The following PUS7 variants were observed in gnomAD, a reference collection of about 807,000 sequenced individuals.
PUS7 encodes the protein pseudouridylate synthase 7 homolog.
A neutral mutation model predicts 79.8 loss-of-function variants in PUS7; 48 were observed. The observed-to-expected ratio is 0.60, with a 90% CI of 0.48 to 0.76. The LOEUF (loss-of-function observed/expected upper bound fraction) is 0.76. Ranked by LOEUF, PUS7 falls within the 30% of genes least tolerant of loss-of-function variation. The probability of loss-of-function intolerance (pLI) is 0.00; values close to 1 mark genes in which losing one functional copy is unlikely to be tolerated. For missense variants in PUS7, 729 were observed against 797.6 expected (o/e 0.91, Z 1.04); for synonymous variants, 286 against 272.2 (o/e 1.05, Z -0.50).
chr7:105,509,902 T>C (rs1051820763), intron 1 of PUS7, among the ~76,000 whole-genome samples: 8 of 152,128 alleles, frequency 5.3e-5, no homozygotes, highest in Middle Eastern at 3.2e-3. Flanking sequence ...GGTCTAGAAG[T>C]GGTGGCTGGG....
In PUS7 at chr7:105,515,857, T is replaced by A. The variant is rs1283588284; in HGVS notation, c.-33+6195A>T. ...CAGAGTCTCACTCTGTTGCCCAGGC[T>A]GGAGTGCAGTGGCATGTTCTTGGCT... On this transcript the variant is annotated intron_variant, in intron 1 of 15. Transcript: ENST00000469408. Among the ~76,000 whole-genome samples the A allele has an allele frequency of 2.0e-5, 3 of 150,488 alleles. No individual in the cohort carries two copies. In the East Asian group the frequency reaches 5.8e-4, roughly 29 times the overall value.
intron 1 of PUS7, among the ~76,000 whole-genome samples, chr7:105,518,304 C>G (rs1238645857): frequency 6.6e-6 from 1 of 151,584 alleles, no homozygotes; most frequent in East Asian, 1.9e-4. Flanking sequence ...CAGAAAGACC[C>G]TGTCTCAAAA....
At position 105,459,219 on chromosome 7, in the gene PUS7, T is replaced by G; in HGVS notation, c.1798A>C (p.Asn600His). Residue 600 changes from asparagine to histidine, a missense_variant, in exon 15 of 16, where the codon AAC becomes CAC. Physicochemically the swap from Asn to His is moderately conservative, Grantham distance 68. Transcript: ENST00000469408. ...AYDDPKIPLF[N>H]TDVDNLEGKT... The stretch of plus-strand genomic sequence containing the variant: ...CCTTCTAGGTTGTCCACATCTGTGT[T>G]GAAAAGTGGAATTTTGGGATCATCA... The G allele has an allele frequency of 6.2e-7, 1 of 1,611,874 alleles. No homozygotes were observed. Among genetic ancestry groups the G allele is most frequent in the Non-Finnish European group, 8.5e-7 (1 of 1,178,718 alleles).
At position 105,508,274 on chromosome 7, in the gene PUS7, T is replaced by C. The variant is rs1825551949; in HGVS notation, c.239A>G (p.Asp80Gly). ...TCCATCTTCCTCCTCTTCTTCCTCA[T>C]CTTCCAACTGAGCCTCAGAATTCTT... is the stretch of plus-strand genomic sequence containing the variant. ...GGKNSEAQLE[D>G]EEEEEEDGLS... The change falls in exon 2 of 16, where the codon GAT (aspartate) becomes GGT (glycine). Residue 80 changes from aspartate (D) to glycine (G), a missense_variant. Transcript: ENST00000469408. 1.2e-6 allele frequency: 2 copies of C among 1,614,048 alleles called. No individual in the cohort carries two copies. Among genetic ancestry groups the C allele is most frequent in the Admixed American group, 1.7e-5 (1 of 59,990 alleles).
intron 15 of PUS7, among the ~76,000 whole-genome samples, chr7:105,458,808 G>A (rs1229161383): frequency 3.3e-5 from 5 of 151,908 alleles, no homozygotes; most frequent in South Asian, 2.1e-4. Flanking sequence ...TGATCCGCCC[G>A]CCTCGGCCTC....
chr7:105,508,474 A>C lies in PUS7; in HGVS notation c.39T>G (p.Arg13=). The change falls in exon 2 of 16, where the codon CGT becomes CGG. Residue 13 remains arginine (R), a synonymous_variant. Transcript: ENST00000469408. ...CATTATCTTCGACAACCAGTGCCCC[A>C]CGTTTCAGCGACACACCAGTCATTT... ...MTEMTGVSLK[R]GALVVEDNDS... is the part of the protein sequence containing the mutation. 1.9e-6 allele frequency: 3 copies of C among 1,613,994 alleles called. No individual in the cohort carries two copies. The highest frequency in any genetic ancestry group is 2.5e-6 in the Non-Finnish European group (3 of 1,180,002).
intron 9 of PUS7, among the ~76,000 whole-genome samples, chr7:105,472,928 T>C (rs2133086768): frequency 6.7e-6 from 1 of 149,086 alleles, no homozygotes; most frequent in African/African-American, 2.5e-5. Context: ...TACTTTTTTT[T>C]TTTTTTTTTT....
chr7:105,494,538 C>T (rs1338265025), intron 6 of PUS7, among the ~76,000 whole-genome samples: 4 of 151,450 alleles, frequency 2.6e-5, no homozygotes, highest in African/African-American at 9.7e-5. Context: ...GCCTCCTGAG[C>T]AGCTAACACT....
chr7:105,492,172 G>T (rs571061746), intron 6 of PUS7, among the ~76,000 whole-genome samples: 40 of 152,194 alleles, frequency 2.6e-4, no homozygotes, highest in African/African-American at 9.6e-4. Flanking sequence ...GAGGCCTGAG[G>T]CAGGAGGACT....
In PUS7 at chr7:105,465,383, A is replaced by T; in HGVS notation, c.1557T>A (p.Val519=). 6.2e-7 allele frequency: 1 copy of T among 1,613,466 alleles called. No homozygotes were observed. The highest frequency in any genetic ancestry group is 8.5e-7 in the Non-Finnish European group (1 of 1,179,484). ...ATATYIEEDD[V]NNYSIHDVVM... ...CCACATCATGGATAGAGTAATTATT[A>T]ACATCATCTTCCTCAATATAGGTGG... is the stretch of plus-strand genomic sequence containing the variant. Residue 519 remains valine (V), a synonymous_variant, in exon 13 of 16, where the codon GTT becomes GTA. Transcript: ENST00000469408.
chr7:105,503,853 G>A (rs561310629), intron 4 of PUS7, among the ~76,000 whole-genome samples: 9 of 151,972 alleles, frequency 5.9e-5, no homozygotes, highest in Admixed American at 5.2e-4. Context: ...GGCTGGTCTC[G>A]ATCTCCTGAA....
intron 11 of PUS7, among the ~76,000 whole-genome samples, chr7:105,469,098 T>A (rs1369771239): frequency 6.6e-6 from 1 of 151,050 alleles, no homozygotes; most frequent in Admixed American, 6.6e-5. Flanking sequence ...AGAGACAGGG[T>A]TTTGCCATGT....
Position 105,457,139 on chromosome 7 carries a change from C to T in PUS7, c.*651G>A, listed in dbSNP as rs544995169. The stretch of plus-strand genomic sequence containing the variant: ...TGTGCTACAGAGTGAGATCCTGTCT[C>T]GAAAAAAAAAATAAAAAAATAAAAT... On this transcript the variant is annotated 3_prime_UTR_variant, in exon 16 of 16. Coordinates refer to ENST00000469408, the MANE Select transcript of PUS7 (RefSeq NM_019042.5). The T allele has an allele frequency of 8.1e-5, 12 of 148,410 alleles. No homozygotes were observed. The highest frequency in any genetic ancestry group is 3.9e-4 in the East Asian group (2 of 5,116). 9.2% of individuals were successfully genotyped at this position (148,410 alleles called of 1,614,324 possible). A position where few individuals can be genotyped will look rare whatever the true frequency, so the allele number is the denominator to read the frequency against.
rs557677343 is a variant in PUS7, at chr7:105,503,871, G to A, written c.586-1307C>T. ...TGGTCTCGATCTCCTGAATTCAAGC[G>A]ATCTGCCCACCTCAGCTTCCCAAAG... On this transcript the variant is annotated intron_variant, in intron 4 of 15. Coordinates refer to ENST00000469408, the MANE Select transcript of PUS7 (RefSeq NM_019042.5). Among the ~76,000 whole-genome samples, 3 of 152,042 alleles carry A rather than the reference G, an allele frequency of 2.0e-5. No individual in the cohort carries two copies. In the South Asian group the frequency reaches 6.2e-4, roughly 32 times the overall value.
chr7:105,474,780 CAA>C (rs1824021598), intron 9 of PUS7, among the ~76,000 whole-genome samples: 1 of 152,064 alleles, frequency 6.6e-6, no homozygotes, highest in Admixed American at 6.6e-5. Flanking sequence ...GACTGTGTCT[CAA>C]AAATAAAACA....
intron 9 of PUS7, among the ~76,000 whole-genome samples, chr7:105,480,247 G>A (rs910868266): frequency 1.8e-4 from 28 of 151,446 alleles, no homozygotes; most frequent in African/African-American, 6.6e-4. Context: ...TGAGGTAGGC[G>A]GATCATTTGA....
At chr7:105,484,199 C>T (rs1445255342) in intron 7 of PUS7, among the ~76,000 whole-genome samples, 2 of 152,100 alleles carry the variant, frequency 1.3e-5, no homozygotes, top group Non-Finnish European at 2.9e-5. Flanking sequence ...TGTAAAAATC[C>T]TGTTCCCCCA....
chr7:105,465,505 A>G, intron 12 of PUS7, 91 bp from the exon 13 acceptor site: 2 of 957,850 alleles, frequency 2.1e-6, no homozygotes, highest in South Asian at 3.0e-5. Context: ...TAAGCAAGTC[A>G]GAAGTACAAG....
intron 1 of PUS7, among the ~76,000 whole-genome samples, chr7:105,521,308 T>G (rs711427): frequency 0.33 from 50,253 of 152,018 alleles, 9,438 homozygotes; most frequent in African/African-American, 0.51. Context: ...CCAAATATTT[T>G]AAAAACTAAA....
Sources: gnomAD v4.1 joint callset for allele counts (sites outside exome capture counted in the v4.1 genomes callset) on GRCh38, gnomAD v4.1.1 for gene constraint, MANE v1.5 for transcripts, NCBI Gene and HGNC (gene_info 2026-07-23, HGNC 2026-07-21) for gene names.